Variants in NEO1 observed in about 807,000 individuals in gnomAD.
NEO1 encodes neogenin 1, also known as neogenin.
In NEO1, 63 loss-of-function variants were observed where a neutral mutation model predicts 159.7. The ratio of observed to expected loss-of-function variants is 0.39; its 90% CI spans 0.32 to 0.49. The LOEUF is 0.49. NEO1 is among the 20% of genes least tolerant of loss of function. The probability of loss-of-function intolerance (pLI) is 0.85; values close to 1 mark genes in which losing one functional copy is unlikely to be tolerated. For synonymous variants in NEO1, 633 were observed against 662.0 expected, an observed-to-expected ratio of 0.96 and a Z score of 0.67; for missense variants, 1,615 against 1,831.0, an observed-to-expected ratio of 0.88 and a Z score of 2.15.
chr15:73,118,196 G>C (rs1035145925), intron 2 of NEO1, among the ~76,000 whole-genome samples: 5 of 151,900 alleles, frequency 3.3e-5, no homozygotes, highest in African/African-American at 1.2e-4. Flanking sequence ...TCTCCTTCCC[G>C]AGGCTACTCC....
At chr15:73,250,815 C>T (rs944000557) in intron 11 of NEO1, among the ~76,000 whole-genome samples, 11 of 151,828 alleles carry the variant, frequency 7.2e-5, no homozygotes. Flanking sequence ...AAAAAAACAG[C>T]CATAAAGGAC....
intron 13 of NEO1, 47 bp downstream of exon 13, chr15:73,254,876 G>T (rs772199955): frequency 2.5e-6 from 4 of 1,578,890 alleles, no homozygotes; most frequent in Admixed American, 3.7e-5. Flanking sequence ...GTCTTTCTCA[G>T]ATATTGAATT....
At chr15:73,214,705 G>T (rs2037777258) in intron 7 of NEO1, among the ~76,000 whole-genome samples, 1 of 152,290 alleles carries the variant, frequency 6.6e-6, no homozygotes, top group Middle Eastern at 3.4e-3. Flanking sequence ...ATCAGGTAGT[G>T]TGATGCCTCC....
intron 7 of NEO1, among the ~76,000 whole-genome samples, chr15:73,195,038 G>T (rs2036462166): frequency 6.6e-6 from 1 of 152,076 alleles, no homozygotes; most frequent in Non-Finnish European, 1.5e-5. Context: ...CTTTGCCAAA[G>T]GTCATGGACT....
In NEO1 at chr15:73,209,492, G is replaced by A. The variant is rs1243497157; in HGVS notation, c.1292-26855G>A. 3.3e-5 allele frequency among the ~76,000 whole-genome samples: 5 copies of A among 152,210 alleles called. No individual in the cohort carries two copies. In the East Asian group the frequency reaches 9.7e-4, roughly 29 times the overall value. On this transcript the variant is annotated intron_variant, in intron 7 of 28. Coordinates refer to ENST00000261908, the MANE Select transcript of NEO1 (RefSeq NM_002499.4). ...TTTATTGGACTCTTGTTATTTTTCT[G>A]TGCTTCTCAAGGTTTTTTGATTGCT...
intron 5 of NEO1, among the ~76,000 whole-genome samples, chr15:73,164,746 C>A (rs1257220963): frequency 6.6e-6 from 1 of 152,102 alleles, no homozygotes; most frequent in Non-Finnish European, 1.5e-5. Context: ...ATAGCATTTA[C>A]CTGTAGTAGA....
chr15:73,257,769 C>T (rs1242770139), intron 13 of NEO1, among the ~76,000 whole-genome samples: 3 of 152,066 alleles, frequency 2.0e-5, no homozygotes, highest in African/African-American at 7.2e-5. Context: ...CCCAGTGGTC[C>T]CCAAAGGACA....
chr15:73,188,918 C>T (rs2036083976), intron 7 of NEO1, among the ~76,000 whole-genome samples: 1 of 151,976 alleles, frequency 6.6e-6, no homozygotes. Flanking sequence ...CATAGTGAGA[C>T]CCCATCCTCA....
chr15:73,259,464 C>A (rs1322724582), intron 14 of NEO1, among the ~76,000 whole-genome samples: 1 of 149,162 alleles, frequency 6.7e-6, no homozygotes, highest in African/African-American at 2.5e-5. Flanking sequence ...TGCTTAAGCA[C>A]GATCCTCCCA....
At chr15:73,126,595 T>G (rs1222233675) in intron 4 of NEO1, 25 bp downstream of exon 4, 3 of 1,602,056 alleles carry the variant, frequency 1.9e-6, no homozygotes, top group Admixed American at 1.7e-5. Flanking sequence ...CCTAAAAGCC[T>G]TCTTCAGCCT....
intron 5 of NEO1, among the ~76,000 whole-genome samples, chr15:73,169,232 G>T (rs143379971): frequency 0.014 from 2,068 of 152,194 alleles, 19 homozygotes; most frequent in South Asian, 0.017. Context: ...ATATATTTTA[G>T]TATTAAATTC....
Position 73,169,843 on chromosome 15 carries a change from T to C in NEO1, c.1016-6560T>C, listed in dbSNP as rs139676376. Among the ~76,000 whole-genome samples, 359 of 152,042 alleles carry C rather than the reference T, an allele frequency of 2.4e-3. 2 individuals are homozygous for C. Among genetic ancestry groups the C allele is most frequent in the African/African-American group, 7.4e-3 (307 of 41,516 alleles). On this transcript the variant is annotated intron_variant, in intron 5 of 28. Transcript: ENST00000261908. ...AATTAGTATGCTATCATTTATAATC[T>C]AAATAAGAGGATTGGGGACAAATTG...
intron 1 of NEO1, among the ~76,000 whole-genome samples, chr15:73,076,088 A>G (rs2068754949): frequency 6.6e-6 from 1 of 152,184 alleles, no homozygotes; most frequent in South Asian, 2.1e-4. Flanking sequence ...GGAGATCGTG[A>G]AATGATGTTT....
At chr15:73,118,858 A>T (rs975781906) in intron 2 of NEO1, among the ~76,000 whole-genome samples, 1 of 152,168 alleles carries the variant, frequency 6.6e-6, no homozygotes, top group African/African-American at 2.4e-5. Context: ...TTATTTAAAG[A>T]TTTCTTTATT....
chr15:73,119,920 T>C (rs1400622304), intron 2 of NEO1, among the ~76,000 whole-genome samples: 1 of 152,212 alleles, frequency 6.6e-6, no homozygotes, highest in Non-Finnish European at 1.5e-5. Flanking sequence ...GCGGATCACC[T>C]GAGGTCAGGA....
At chr15:73,182,494 A>C (rs1455725391) in intron 7 of NEO1, among the ~76,000 whole-genome samples, 3 of 152,060 alleles carry the variant, frequency 2.0e-5, no homozygotes, top group African/African-American at 7.2e-5. Context: ...ATATTAGTTC[A>C]TTTTCACACT....
chr15:73,156,878 C>T (rs573391654), intron 5 of NEO1, among the ~76,000 whole-genome samples: 8 of 152,222 alleles, frequency 5.3e-5, no homozygotes, highest in South Asian at 2.1e-4. Flanking sequence ...CCTTCCTTGA[C>T]GGGGGTGGCA....
At chr15:73,246,682 A>G (rs1398613143) in intron 9 of NEO1, among the ~76,000 whole-genome samples, 3 of 152,342 alleles carry the variant, frequency 2.0e-5, no homozygotes, top group African/African-American at 7.2e-5. Flanking sequence ...TCATGACAAA[A>G]ATGAAGGAAA....
At position 73,136,036 on chromosome 15, in the gene NEO1, ATATT is replaced by A; in HGVS notation, c.1015+12_1015+15del. 1 of 1,584,438 alleles carries A rather than the reference ATATT, an allele frequency of 6.3e-7. No homozygotes were observed. The highest frequency in any genetic ancestry group is 1.4e-5 in the African/African-American group (1 of 73,424). On this transcript the variant is annotated intron_variant, in intron 5 of 28. Transcript: ENST00000261908. ...AGAGCTTACAGTGCAAGGTATGTAA[ATATT>A]TACTGTATAATTTAAAAATCCTGTG...
Sources: gnomAD v4.1 joint callset for allele counts (sites outside exome capture counted in the v4.1 genomes callset) on GRCh38, gnomAD v4.1.1 for gene constraint, MANE v1.5 for transcripts, NCBI Gene and HGNC (gene_info 2026-07-23, HGNC 2026-07-21) for gene names.